Variants in MALRD1 observed in about 807,000 individuals in gnomAD.
The protein encoded by MALRD1 is MAM and LDL-receptor class A domain-containing protein 1.
MALRD1 carries 247 observed loss-of-function variants against 242.1 expected under a neutral mutation model. The ratio of observed to expected loss-of-function variants is 1.02; its 90% CI spans 0.92 to 1.13. MALRD1 has a LOEUF of 1.13. MALRD1 is among the 50% of genes most tolerant of loss of function. MALRD1 has a pLI of 0.00. For missense variants in MALRD1, 2,989 were observed against 2,533.1 expected (o/e 1.18, Z -3.86); for synonymous variants, 995 against 866.6 (o/e 1.15, Z -2.60).
At position 19,204,281 on chromosome 10, in the gene MALRD1, G is replaced by GTTT. The variant is rs71387054; in HGVS notation, c.2105-13_2105-11dup. On this transcript the variant is annotated intron_variant, in intron 15 of 39. Transcript: ENST00000454679. ...TTAGAATCCAATAGGTTAATGAAGC[G>GTTT]TTTTTTTTTTTTTTTTATCTCAACA... The GTTT allele has an allele frequency of 3.3e-3, 3,413 of 1,041,770 alleles. 70 individuals carry two copies. In the African/African-American group the frequency reaches 0.047, roughly 14 times the overall value. 64.5% of individuals were successfully genotyped at this position (1,041,770 alleles called of 1,614,324 possible).
chr10:19,085,666 A>G (rs1835645791), intron 2 of MALRD1, among the ~76,000 whole-genome samples: 1 of 152,006 alleles, frequency 6.6e-6, no homozygotes, highest in Admixed American at 6.6e-5. Flanking sequence ...TTTATAAAAC[A>G]CTGTTTAAAT....
chr10:19,286,956 A>G, intron 21 of MALRD1, among the ~76,000 whole-genome samples: 1 of 151,454 alleles, frequency 6.6e-6, no homozygotes, highest in East Asian at 1.9e-4. Context: ...GCAGCACATC[A>G]AAAAGCTTAT....
intron 30 of MALRD1, among the ~76,000 whole-genome samples, chr10:19,494,702 GA>G (rs1347947255): frequency 6.6e-6 from 1 of 151,846 alleles, no homozygotes; most frequent in Non-Finnish European, 1.5e-5. Context: ...CTGGATTACT[GA>G]AAAAACATAG....
intron 33 of MALRD1, among the ~76,000 whole-genome samples, chr10:19,575,581 G>A (rs1248212531): frequency 6.6e-6 from 1 of 151,728 alleles, no homozygotes; most frequent in African/African-American, 2.4e-5. Context: ...TTCATAATAA[G>A]GATATTTGTA....
At chr10:19,449,494 T>C (rs765110723) in intron 28 of MALRD1, among the ~76,000 whole-genome samples, 8 of 152,178 alleles carry the variant, frequency 5.3e-5, no homozygotes, top group Non-Finnish European at 1.2e-4. Context: ...AGTTTTTATT[T>C]TGGGAAATAT....
At chr10:19,291,020 T>C (rs918611860) in intron 21 of MALRD1, among the ~76,000 whole-genome samples, 3 of 152,182 alleles carry the variant, frequency 2.0e-5, no homozygotes, top group African/African-American at 7.2e-5. Context: ...TTTTATCTCA[T>C]AAGAAAAGCC....
intron 24 of MALRD1, among the ~76,000 whole-genome samples, chr10:19,340,038 T>G (rs1843776293): frequency 6.6e-6 from 1 of 152,132 alleles, no homozygotes; most frequent in Non-Finnish European, 1.5e-5. Flanking sequence ...AAGAACAGCA[T>G]GAGGGAAACC....
intron 26 of MALRD1, among the ~76,000 whole-genome samples, chr10:19,381,501 C>T (rs972557212): frequency 3.9e-4 from 59 of 151,840 alleles, no homozygotes; most frequent in Middle Eastern, 3.2e-3. Context: ...TCATGTATTG[C>T]ATTCTCTATT....
At chr10:19,464,670 G>A (rs541252069) in intron 29 of MALRD1, among the ~76,000 whole-genome samples, 2 of 152,078 alleles carry the variant, frequency 1.3e-5, no homozygotes, top group East Asian at 1.9e-4. Context: ...GTTCTTTTTG[G>A]TTAGTCTTGC....
intron 20 of MALRD1, among the ~76,000 whole-genome samples, chr10:19,280,883 T>C (rs548101439): frequency 4.6e-5 from 7 of 152,306 alleles, no homozygotes; most frequent in African/African-American, 1.7e-4. Flanking sequence ...GTAAACACTT[T>C]GAAATATCTT....
chr10:19,494,615 A>G (rs904303898), intron 30 of MALRD1, among the ~76,000 whole-genome samples: 1 of 152,230 alleles, frequency 6.6e-6, no homozygotes, highest in Non-Finnish European at 1.5e-5. Flanking sequence ...AAAACACACT[A>G]CAAGAATTTT....
intron 32 of MALRD1, among the ~76,000 whole-genome samples, chr10:19,532,582 T>C (rs1270768764): frequency 6.6e-6 from 1 of 152,088 alleles, no homozygotes; most frequent in Non-Finnish European, 1.5e-5. Flanking sequence ...TATTACACAG[T>C]TTTGTTTCTC....
intron 12 of MALRD1, among the ~76,000 whole-genome samples, chr10:19,159,829 A>C (rs979091778): frequency 6.6e-6 from 1 of 152,250 alleles, no homozygotes; most frequent in South Asian, 2.1e-4. Flanking sequence ...ATATGCAGTA[A>C]CTGGTGTAAA....
At chr10:19,549,400 G>A (rs1450601484) in intron 32 of MALRD1, among the ~76,000 whole-genome samples, 10 of 152,088 alleles carry the variant, frequency 6.6e-5, no homozygotes, top group Non-Finnish European at 1.2e-4. Context: ...AAAGTCGATC[G>A]TGCAGCAAAC....
rs565014077 is a variant in MALRD1 at position 19,281,194 on chromosome 10, GAC to G, written c.3256+973_3256+974del. 6.3e-3 allele frequency among the ~76,000 whole-genome samples: 965 copies of G among 152,106 alleles called. 4 individuals carry two copies. Among genetic ancestry groups the G allele is most frequent in the Non-Finnish European group, 0.01 (713 of 68,024 alleles). On this transcript the variant is annotated intron_variant, in intron 20 of 39. Transcript: ENST00000454679. ...CTGACTCACTTCATGCATAAGATGA[GAC>G]AGTAATTAACTCAAGCTAGCCAGGG... is the stretch of plus-strand genomic sequence containing the variant.
At chr10:19,574,661 T>C (rs1836719679) in intron 33 of MALRD1, among the ~76,000 whole-genome samples, 1 of 152,166 alleles carries the variant, frequency 6.6e-6, no homozygotes, top group African/African-American at 2.4e-5. Flanking sequence ...GAGCAAATCA[T>C]TTAAACTCTC....
chr10:19,440,634 G>A (rs1385524971), intron 28 of MALRD1, among the ~76,000 whole-genome samples: 2 of 152,090 alleles, frequency 1.3e-5, no homozygotes, highest in African/African-American at 2.4e-5. Context: ...GAGAATGATG[G>A]TTTCCAGCTT....
At chr10:19,200,857 C>T (rs988974726) in intron 14 of MALRD1, among the ~76,000 whole-genome samples, 1 of 151,962 alleles carries the variant, frequency 6.6e-6, no homozygotes, top group East Asian at 1.9e-4. Context: ...CTAAAAGCTG[C>T]TGTAGAATCA....
Position 19,243,408 on chromosome 10 carries a change from T to C in MALRD1, c.2992-14276T>C, listed in dbSNP as rs77907153. ...GTTTCATAATGTTTTCATTAAAAAGTCTTTATCAGTTTGCTAATGCCTAAT... is the reference window on the plus strand; with the variant it reads ...GTTTCATAATGTTTTCATTAAAAAGCCTTTATCAGTTTGCTAATGCCTAAT... On this transcript the variant is annotated intron_variant, in intron 18 of 39. Coordinates refer to ENST00000454679, the MANE Select transcript of MALRD1 (RefSeq NM_001142308.3). 0.016 allele frequency among the ~76,000 whole-genome samples: 2,498 copies of C among 152,244 alleles called. 100 individuals are homozygous for C. The East Asian group carries it at 0.17, about 11-fold the overall frequency.
Sources: gnomAD v4.1 joint callset for allele counts (sites outside exome capture counted in the v4.1 genomes callset) on GRCh38, gnomAD v4.1.1 for gene constraint, MANE v1.5 for transcripts, NCBI Gene and HGNC (gene_info 2026-07-23, HGNC 2026-07-21) for gene names.